The following CTNND2 variants were observed in gnomAD, a reference collection of about 807,000 sequenced individuals.
CTNND2 encodes catenin delta-2.
In CTNND2, 22 loss-of-function variants were observed where a neutral mutation model predicts 144.4. That is an observed-to-expected ratio of 0.15 (90% CI 0.11 to 0.22). The LOEUF is 0.22. Ranked by LOEUF, CTNND2 falls within the 10% of genes least tolerant of loss-of-function variation. CTNND2 has a pLI of 1.00. For missense variants in CTNND2, 1,353 were observed against 1,618.8 expected (o/e 0.84, Z 2.82); for synonymous variants, 751 against 695.6 (o/e 1.08, Z -1.25).
At chr5:11,523,161 T>C (rs972103808) in intron 3 of CTNND2, among the ~76,000 whole-genome samples, 5 of 152,324 alleles carry the variant, frequency 3.3e-5, no homozygotes, top group African/African-American at 9.6e-5. Context: ...AATATAATTA[T>C]GGAGGAAACG....
chr5:11,470,982 T>TATATATA (rs56744030), intron 3 of CTNND2, among the ~76,000 whole-genome samples: 237 of 37,758 alleles, frequency 6.3e-3, no homozygotes, highest in Middle Eastern at 0.021. Context: ...ATATATATAT[T>TATATATA]TTTTTTTTTT....
intron 2 of CTNND2, among the ~76,000 whole-genome samples, chr5:11,696,221 G>A (rs187120304): frequency 6.6e-6 from 1 of 152,324 alleles, no homozygotes; most frequent in Admixed American, 6.5e-5. Flanking sequence ...TGAGTGTGCT[G>A]TGTTCCAATA....
chr5:11,518,624 C>CT, intron 3 of CTNND2, among the ~76,000 whole-genome samples: 1 of 152,126 alleles, frequency 6.6e-6, no homozygotes, highest in African/African-American at 2.4e-5. Flanking sequence ...ACAGGTGTAT[C>CT]TTTTTTTAAA....
At chr5:11,572,917 T>A (rs1777685085) in intron 2 of CTNND2, among the ~76,000 whole-genome samples, 1 of 152,186 alleles carries the variant, frequency 6.6e-6, no homozygotes. Flanking sequence ...AAATAACCAC[T>A]CAAGTGCTCT....
chr5:11,653,015 A>T (rs1782721133), intron 2 of CTNND2, among the ~76,000 whole-genome samples: 1 of 151,292 alleles, frequency 6.6e-6, no homozygotes, highest in African/African-American at 2.4e-5. Flanking sequence ...AATGTCCTCC[A>T]TCTATGTTTT....
chr5:11,090,590 G>A (rs1218220304), intron 15 of CTNND2, among the ~76,000 whole-genome samples: 1 of 152,160 alleles, frequency 6.6e-6, no homozygotes. Flanking sequence ...TGCTCCTCAT[G>A]AGACTTTAAT....
intron 7 of CTNND2, among the ~76,000 whole-genome samples, chr5:11,365,947 A>G (rs1377419589): frequency 1.3e-5 from 2 of 152,030 alleles, no homozygotes; most frequent in Non-Finnish European, 2.9e-5. Context: ...GATTTTGGGA[A>G]TGAGCCTTCA....
At chr5:11,799,641 C>T (rs1177733724) in intron 1 of CTNND2, among the ~76,000 whole-genome samples, 1 of 152,056 alleles carries the variant, frequency 6.6e-6, no homozygotes. Context: ...TATGAAATAT[C>T]CCCCCCTTGC....
chr5:11,692,201 G>C (rs1472780272), intron 2 of CTNND2, among the ~76,000 whole-genome samples: 1 of 151,928 alleles, frequency 6.6e-6, no homozygotes, highest in Non-Finnish European at 1.5e-5. Flanking sequence ...TTTTAATCCT[G>C]GTTAATTCTG....
At chr5:11,158,762 T>A (rs1434651554) in intron 12 of CTNND2, among the ~76,000 whole-genome samples, 1 of 152,206 alleles carries the variant, frequency 6.6e-6, no homozygotes, top group Non-Finnish European at 1.5e-5. Flanking sequence ...CAATCCTGTA[T>A]GTTTCACTTT....
At chr5:11,352,943 ATATG>A (rs1755474763) in intron 8 of CTNND2, among the ~76,000 whole-genome samples, 1 of 152,240 alleles carries the variant, frequency 6.6e-6, no homozygotes, top group African/African-American at 2.4e-5. Flanking sequence ...TTAATCCTAC[ATATG>A]TATGTATTTA....
At position 10,973,733 on chromosome 5, in the gene CTNND2, C is replaced by A. The variant is rs555459562; in HGVS notation, c.3418-20G>T. On this transcript the variant is annotated intron_variant, in intron 21 of 21. Coordinates refer to ENST00000304623, the MANE Select transcript of CTNND2 (RefSeq NM_001332.4). This position sits in a 1 kb window ranked among gnomAD's most constrained non-coding sequence, Gnocchi z 5.6. ...TGAAACCTAAACGGGAAAGAAGAGCCACACTGGGTTACTTGGTTTCCCTTG... is the reference window on the plus strand; with the variant it reads ...TGAAACCTAAACGGGAAAGAAGAGCAACACTGGGTTACTTGGTTTCCCTTG... 1 of 1,568,762 alleles carries A rather than the reference C, an allele frequency of 6.4e-7. No individual in the cohort carries two copies. The highest frequency in any genetic ancestry group is 2.2e-5 in the East Asian group (1 of 44,514).
intron 2 of CTNND2, among the ~76,000 whole-genome samples, chr5:11,729,685 T>C (rs1787226690): frequency 6.6e-6 from 1 of 152,216 alleles, no homozygotes; most frequent in African/African-American, 2.4e-5. Flanking sequence ...CACTAATTTC[T>C]ACAGAATATA....
intron 9 of CTNND2, among the ~76,000 whole-genome samples, chr5:11,248,367 G>A (rs1041599505): frequency 6.6e-6 from 1 of 151,690 alleles, no homozygotes; most frequent in South Asian, 2.1e-4. Flanking sequence ...GTGCATGTGG[G>A]CACATGTGTA....
intron 16 of CTNND2, among the ~76,000 whole-genome samples, chr5:11,067,995 C>G (rs920631716): frequency 1.3e-5 from 2 of 152,120 alleles, no homozygotes; most frequent in African/African-American, 4.8e-5. Context: ...CTGAAGTTGG[C>G]TATTCCATTA....
At chr5:11,186,087 A>G (rs183651924) in intron 11 of CTNND2, among the ~76,000 whole-genome samples, 2 of 152,354 alleles carry the variant, frequency 1.3e-5, no homozygotes, top group Admixed American at 1.3e-4. Context: ...GCCTTTATAC[A>G]ATTTTGGCAT....
chr5:11,192,604 C>T (rs571894688), intron 11 of CTNND2, among the ~76,000 whole-genome samples: 1 of 152,154 alleles, frequency 6.6e-6, no homozygotes, highest in East Asian at 1.9e-4. Context: ...GAGGACTCAT[C>T]AGGGATGCAA....
At position 11,554,570 on chromosome 5, in the gene CTNND2, G is replaced by A. The variant is rs1034842624; in HGVS notation, c.287+10374C>T. Among the ~76,000 whole-genome samples the A allele has an allele frequency of 2.6e-5, 4 of 152,068 alleles. No individual in the cohort carries two copies. In the East Asian group the frequency reaches 5.8e-4, roughly 22 times the overall value. On this transcript the variant is annotated intron_variant, in intron 3 of 21. Transcript: ENST00000304623. The stretch of plus-strand genomic sequence containing the variant: ...AACAATAAGACTTTAAAGGGTTAAC[G>A]AGGATGACATGGTATAATCTATCTA...
intron 6 of CTNND2, among the ~76,000 whole-genome samples, chr5:11,389,080 T>C (rs530786184): frequency 6.6e-6 from 1 of 152,360 alleles, no homozygotes; most frequent in South Asian, 2.1e-4. Flanking sequence ...ATACTTGGAA[T>C]AGATTGGGCC....
Sources: allele counts gnomAD v4.1 joint callset (sites outside exome capture counted in the v4.1 genomes callset), GRCh38; gene constraint gnomAD v4.1.1; non-coding constraint Gnocchi (gnomAD v3.1); transcripts MANE v1.5; gene names NCBI Gene and HGNC (gene_info 2026-07-23, HGNC 2026-07-21).